The following MBNL2 variants were observed in gnomAD, a reference collection of about 807,000 sequenced individuals.
The protein encoded by MBNL2 is muscleblind-like protein 2.
Under a neutral mutation model 41.9 loss-of-function variants are expected in MBNL2, and 17 were observed. The ratio of observed to expected loss-of-function variants is 0.41; its 90% CI spans 0.28 to 0.61. The LOEUF (loss-of-function observed/expected upper bound fraction) is 0.61, where lower values mean the gene tolerates loss of function less well. MBNL2 is among the 20% of genes least tolerant of loss of function. The probability of loss-of-function intolerance (pLI) is 0.35; values close to 1 mark genes in which losing one functional copy is unlikely to be tolerated. For synonymous variants in MBNL2, 195 were observed against 182.9 expected (o/e 1.07, Z -0.53); for missense variants, 336 against 505.6 (o/e 0.66, Z 3.22).
intron 8 of MBNL2, among the ~76,000 whole-genome samples, chr13:97,377,969 G>T (rs933012061): frequency 6.6e-6 from 1 of 152,152 alleles, no homozygotes; most frequent in Non-Finnish European, 1.5e-5. Flanking sequence ...AGAGGTGAAG[G>T]CTTGGAGCTT....
intron 8 of MBNL2, among the ~76,000 whole-genome samples, chr13:97,388,390 G>C (rs1386249600): frequency 1.3e-5 from 2 of 150,986 alleles, no homozygotes; most frequent in Non-Finnish European, 2.9e-5. Flanking sequence ...CACACAAAAT[G>C]TATCTATTCA....
chr13:97,271,723 C>T (rs1419406510), intron 1 of MBNL2, among the ~76,000 whole-genome samples: 1 of 152,150 alleles, frequency 6.6e-6, no homozygotes, highest in African/African-American at 2.4e-5. Context: ...AGGATGATAG[C>T]TTCCAGCTTT....
Position 97,334,230 on chromosome 13 carries a change from T to C in MBNL2, c.175-46T>C, listed in dbSNP as rs1032967777. ...ATTGTTCAGTGGTTGACTTTGGAGT[T>C]GCAAGCTACTTAAAATAGTCCTAAA... On this transcript the variant is annotated intron_variant, in intron 2 of 8. Transcript: ENST00000679496. This position sits in a 1 kb window ranked among gnomAD's most constrained non-coding sequence, Gnocchi z 5.3. 1 of 1,510,812 alleles carries C rather than the reference T, an allele frequency of 6.6e-7. No homozygotes were observed. 93.6% of individuals were successfully genotyped at this position (1,510,812 alleles called of 1,614,324 possible). A position where few individuals can be genotyped will look rare whatever the true frequency, so the allele number is the denominator to read the frequency against.
intron 1 of MBNL2, among the ~76,000 whole-genome samples, chr13:97,253,997 C>A (rs939223968): frequency 6.6e-6 from 1 of 152,152 alleles, no homozygotes; most frequent in Non-Finnish European, 1.5e-5. Flanking sequence ...TCAAGCGATT[C>A]TCCTGCCTCA....
chr13:97,291,698 C>T (rs985152567), intron 2 of MBNL2, among the ~76,000 whole-genome samples: 1 of 147,886 alleles, frequency 6.8e-6, no homozygotes, highest in Non-Finnish European at 1.5e-5. Flanking sequence ...AGTTCGAGGC[C>T]AGCCCAGCCA....
At chr13:97,291,968 C>A (rs1011755121) in intron 2 of MBNL2, among the ~76,000 whole-genome samples, 12 of 148,572 alleles carry the variant, frequency 8.1e-5, no homozygotes, top group Admixed American at 2.0e-4. Context: ...TTCGGGAGGC[C>A]GAGGTGGGCG....
intron 2 of MBNL2, among the ~76,000 whole-genome samples, chr13:97,316,727 T>A (rs1331023350): frequency 1.3e-5 from 2 of 152,210 alleles, no homozygotes; most frequent in African/African-American, 2.4e-5. Flanking sequence ...GCCCTGCCTA[T>A]GTAACTAAAA....
At chr13:97,204,003 T>G in the MBNL2 span, among the ~76,000 whole-genome samples, 1 of 152,164 alleles carries the variant, frequency 6.6e-6, no homozygotes, top group Non-Finnish European at 1.5e-5. Flanking sequence ...AAATAAGTAC[T>G]AAAAGAAATA....
chr13:97,346,783 G>C lies in MBNL2; in HGVS notation c.541-21G>C. 2 of 1,611,248 alleles carry C rather than the reference G, an allele frequency of 1.2e-6. No homozygotes were observed. The highest frequency in any genetic ancestry group is 1.7e-6 in the Non-Finnish European group (2 of 1,178,252). On this transcript the variant is annotated intron_variant, in intron 4 of 8. Coordinates refer to ENST00000679496, the MANE Select transcript of MBNL2 (RefSeq NM_001382683.1). This position sits in a 1 kb window ranked among gnomAD's most constrained non-coding sequence, Gnocchi z 4.2. ...GGGCTCAGGCTTGCCTCTGCAGCGC[G>C]GCTCTTCTTCCCTGTCTTAGGTATG... is the stretch of plus-strand genomic sequence containing the variant.
In MBNL2 at chr13:97,276,253, C is replaced by T. The variant is rs774132167; in HGVS notation, c.18C>T (p.Ala6=). 6.2e-7 allele frequency: 1 copy of T among 1,613,556 alleles called. No individual in the cohort carries two copies. Among genetic ancestry groups the T allele is most frequent in the South Asian group, 1.1e-5 (1 of 91,002 alleles). The part of the protein sequence containing the change: MALNV[A]PVRDTKWLTL... ...TTATCACCATGGCTTTGAACGTTGC[C>T]CCAGTCAGAGATACAAAATGGCTGA... Residue 6 remains alanine, a synonymous_variant, in exon 2 of 9, where the codon GCC becomes GCT. Transcript: ENST00000679496.
Sources: gnomAD v4.1 joint callset for allele counts (sites outside exome capture counted in the v4.1 genomes callset) on GRCh38, gnomAD v4.1.1 for gene constraint, Gnocchi (gnomAD v3.1) non-coding constraint, MANE v1.5 for transcripts, NCBI Gene and HGNC (gene_info 2026-07-23, HGNC 2026-07-21) for gene names.